The following FYB2 variants were observed in gnomAD, a reference collection of about 807,000 sequenced individuals.
FYB2 encodes FYN binding protein 2.
In FYB2, 103 loss-of-function variants were observed where a neutral mutation model predicts 94.1. The observed-to-expected ratio is 1.09, with a 90% confidence interval of 0.93 to 1.29. The LOEUF (loss-of-function observed/expected upper bound fraction) is 1.29, where lower values mean the gene tolerates loss of function less well. Ranked by LOEUF, FYB2 falls within the 50% of genes most tolerant of loss-of-function variation. The pLI is 0.00. For synonymous variants in FYB2, 293 were observed against 287.9 expected, an observed-to-expected ratio of 1.02 and a Z score of -0.18; for missense variants, 896 against 841.5, an observed-to-expected ratio of 1.06 and a Z score of -0.80.
intron 1 of FYB2, among the ~76,000 whole-genome samples, chr1:56,795,454 T>C (rs1018053076): frequency 2.0e-5 from 3 of 152,196 alleles, no homozygotes; most frequent in South Asian, 2.1e-4. Flanking sequence ...TGTACAGATA[T>C]CTCATTGAGA....
chr1:56,762,696 A>G (rs1645527303), intron 5 of FYB2, among the ~76,000 whole-genome samples: 2 of 152,082 alleles, frequency 1.3e-5, no homozygotes, highest in African/African-American at 4.8e-5. Context: ...AGATAGTTTT[A>G]TTTATTCCTT....
In FYB2 at chr1:56,787,167, G is replaced by T. The variant is rs751513168; in HGVS notation, c.953+8C>A. 6.2e-7 allele frequency: 1 copy of T among 1,613,800 alleles called. No individual in the cohort carries two copies. Among genetic ancestry groups the T allele is most frequent in the Non-Finnish European group, 8.5e-7 (1 of 1,179,836 alleles). ...ACGTTCCTACACAACTAAGGAGCAT[G>T]TACTTACCTCTCTGGAGACAGGGAG... On this transcript the variant is annotated splice_region_variant and intron_variant, in intron 4 of 19. Coordinates refer to ENST00000343433, the MANE Select transcript of FYB2 (RefSeq NM_001004303.5).
intron 16 of FYB2, among the ~76,000 whole-genome samples, chr1:56,725,142 A>G (rs974985867): frequency 2.0e-5 from 3 of 152,054 alleles, no homozygotes; most frequent in South Asian, 2.1e-4. Context: ...TGTACAGTCT[A>G]CAGAACCATG....
intron 4 of FYB2, among the ~76,000 whole-genome samples, chr1:56,784,168 A>T (rs1391101671): frequency 6.6e-6 from 1 of 152,194 alleles, no homozygotes; most frequent in East Asian, 1.9e-4. Context: ...TATGGTTGAA[A>T]ATAATGAGAG....
chr1:56,822,563 G>A (rs1646998634), upstream of FYB2, among the ~76,000 whole-genome samples: 1 of 152,152 alleles, frequency 6.6e-6, no homozygotes, highest in Non-Finnish European at 1.5e-5. Context: ...ATTCTTCGGG[G>A]AACTGAGCAG....
At chr1:56,810,733 C>T (rs1646748971) in intron 1 of FYB2, among the ~76,000 whole-genome samples, 1 of 152,172 alleles carries the variant, frequency 6.6e-6, no homozygotes, top group Non-Finnish European at 1.5e-5. Flanking sequence ...ATGCATCAGG[C>T]ACTGCTGCCT....
At chr1:56,771,964 A>AGTTT (rs1163289291) in intron 4 of FYB2, among the ~76,000 whole-genome samples, 1 of 151,600 alleles carries the variant, frequency 6.6e-6, no homozygotes, top group Admixed American at 6.6e-5. Context: ...CATATTTTCT[A>AGTTT]GTTTTCTTTT....
chr1:56,749,210 C>A (rs188831593), intron 9 of FYB2, among the ~76,000 whole-genome samples: 48 of 151,926 alleles, frequency 3.2e-4, no homozygotes, highest in African/African-American at 1.1e-3. Context: ...CCTGGCTTTG[C>A]AAATTTATCT....
upstream of FYB2, chr1:56,819,592 C>T (rs1200798554): frequency 2.2e-5 from 12 of 540,562 alleles, no homozygotes; most frequent in Non-Finnish European, 3.7e-5. Context: ...CGGCTCTTCC[C>T]GTTGCTCCCC....
At chr1:56,725,361 C>T (rs751024505) in intron 16 of FYB2, among the ~76,000 whole-genome samples, 2 of 151,946 alleles carry the variant, frequency 1.3e-5, no homozygotes, top group African/African-American at 2.4e-5. Flanking sequence ...AAAAATGATA[C>T]AGAAATTGAT....
At chr1:56,813,555 C>T (rs2101094918) in intron 1 of FYB2, among the ~76,000 whole-genome samples, 1 of 152,268 alleles carries the variant, frequency 6.6e-6, no homozygotes, top group African/African-American at 2.4e-5. Flanking sequence ...GGTGGGAACA[C>T]AGCCAAAATA....
chr1:56,775,224 A>G (rs979814905), intron 4 of FYB2, among the ~76,000 whole-genome samples: 21 of 152,288 alleles, frequency 1.4e-4, no homozygotes, highest in African/African-American at 5.1e-4. Context: ...TTCTACTACA[A>G]CAACATACAA....
In FYB2 at chr1:56,780,118, A is replaced by G. The variant is rs376628682; in HGVS notation, c.953+7057T>C. 2.4e-4 allele frequency among the ~76,000 whole-genome samples: 36 copies of G among 152,294 alleles called. 1 individual carries two copies. The South Asian group carries it at 7.5e-3, about 32-fold the overall frequency. ...AGCAATGCTCAGCATGTGGTCATACACAAACAGTAGTTTCTATTCAACCTT... is the reference window on the plus strand; with the variant it reads ...AGCAATGCTCAGCATGTGGTCATACGCAAACAGTAGTTTCTATTCAACCTT... On this transcript the variant is annotated intron_variant, in intron 4 of 19. Transcript: ENST00000343433.
chr1:56,808,056 G>C (rs559827725), intron 1 of FYB2, among the ~76,000 whole-genome samples: 2 of 152,086 alleles, frequency 1.3e-5, no homozygotes, highest in African/African-American at 4.8e-5. Context: ...GGTAAGTTTG[G>C]ATTTAACAAT....
chr1:56,821,100 G>A (rs1422000487), upstream of FYB2, among the ~76,000 whole-genome samples: 1 of 152,212 alleles, frequency 6.6e-6, no homozygotes, highest in Non-Finnish European at 1.5e-5. Flanking sequence ...ATGCTCCTAT[G>A]TGTATAAGTT....
intron 1 of FYB2, among the ~76,000 whole-genome samples, chr1:56,812,520 A>G (rs1198044021): frequency 6.6e-6 from 1 of 152,194 alleles, no homozygotes; most frequent in Non-Finnish European, 1.5e-5. Flanking sequence ...AAATTGCTTA[A>G]TTATTATTTC....
At chr1:56,751,234 G>A in intron 8 of FYB2, 31 bp from the exon 9 acceptor site, 1 of 1,602,142 alleles carries the variant, frequency 6.2e-7, no homozygotes, top group Non-Finnish European at 8.5e-7. Flanking sequence ...GAATACTGTA[G>A]GGCTGTGACT....
chr1:56,772,892 T>C, intron 4 of FYB2, among the ~76,000 whole-genome samples: 1 of 152,136 alleles, frequency 6.6e-6, no homozygotes, highest in East Asian at 1.9e-4. Context: ...TTAAAATAAG[T>C]TTTGAGGTTT....
At chr1:56,767,522 T>A (rs1645652587) in intron 5 of FYB2, among the ~76,000 whole-genome samples, 1 of 152,096 alleles carries the variant, frequency 6.6e-6, no homozygotes, top group African/African-American at 2.4e-5. Context: ...GAAAAATGAA[T>A]CATCATATCT....
Sources: gnomAD v4.1 joint callset for allele counts (sites outside exome capture counted in the v4.1 genomes callset) on GRCh38, gnomAD v4.1.1 for gene constraint, MANE v1.5 for transcripts, NCBI Gene and HGNC (gene_info 2026-07-23, HGNC 2026-07-21) for gene names.